Variants in LRRC37A2 observed in about 807,000 individuals in gnomAD.
LRRC37A2 encodes the protein leucine rich repeat containing 37 member A2.
In LRRC37A2, 9 loss-of-function variants were observed where a neutral mutation model predicts 68.8. The observed-to-expected ratio is 0.13, with a 90% CI of 0.08 to 0.23. The LOEUF (loss-of-function observed/expected upper bound fraction) is 0.23, where lower values mean the gene tolerates loss of function less well. Ranked by LOEUF, LRRC37A2 falls within the 10% of genes least tolerant of loss-of-function variation. The pLI is 1.00. For missense variants in LRRC37A2, 168 were observed against 950.4 expected (o/e 0.18, Z 10.82); for synonymous variants, 63 against 367.6 (o/e 0.17, Z 9.48).
the LRRC37A2 span, chr17:46,885,021 T>C: frequency 2.3e-6 from 1 of 439,582 alleles, no homozygotes; most frequent in South Asian, 1.6e-5. Flanking sequence ...GAAGTCTTGT[T>C]CTTGTTGCGC....
the LRRC37A2 span, among the ~76,000 whole-genome samples, chr17:46,827,200 C>T: frequency 6.6e-6 from 1 of 152,134 alleles, no homozygotes; most frequent in African/African-American, 2.4e-5. Flanking sequence ...CTTTACTCCT[C>T]CCCTACCTTG....
the LRRC37A2 span, among the ~76,000 whole-genome samples, chr17:46,970,411 G>A: frequency 6.6e-6 from 1 of 151,946 alleles, no homozygotes; most frequent in Non-Finnish European, 1.5e-5. Context: ...AGTGGTGGTG[G>A]ACACCTGTTA....
the LRRC37A2 span, chr17:46,774,009 G>A: frequency 6.7e-7 from 1 of 1,502,364 alleles, no homozygotes; most frequent in Non-Finnish European, 9.0e-7. Context: ...AGGTGGAGAG[G>A]CAGAGGGCCT....
the LRRC37A2 span, among the ~76,000 whole-genome samples, chr17:46,729,761 A>G: frequency 1.1e-4 from 17 of 152,248 alleles, no homozygotes; most frequent in African/African-American, 4.1e-4. Flanking sequence ...GAAAATATTT[A>G]CTCTTAAACT....
the LRRC37A2 span, among the ~76,000 whole-genome samples, chr17:46,793,384 T>C: frequency 6.6e-6 from 1 of 150,506 alleles, no homozygotes; most frequent in Non-Finnish European, 1.5e-5. Flanking sequence ...AGTGCTCAGG[T>C]CCTGCTCTGC....
the LRRC37A2 span, among the ~76,000 whole-genome samples, chr17:46,890,870 A>G: frequency 6.6e-6 from 1 of 152,156 alleles, no homozygotes; most frequent in Non-Finnish European, 1.5e-5. Flanking sequence ...ACCCGTTTTA[A>G]TGCTCTTGTT....
chr17:46,525,602 T>TATAATAATAATAATA (rs61094611), intron 6 of LRRC37A2, among the ~76,000 whole-genome samples: 2 of 103,284 alleles, frequency 1.9e-5, no homozygotes, highest in African/African-American at 7.0e-5. Context: ...ATAATAATAA[T>TATAATAATAATAATA]ATAATAATAA....
the LRRC37A2 span, among the ~76,000 whole-genome samples, chr17:46,575,284 C>T: frequency 2.2e-5 from 3 of 137,458 alleles, no homozygotes; most frequent in East Asian, 2.0e-4. Context: ...CTTAACAAGC[C>T]GGTAAAACAC....
chr17:46,439,648 GA>G, the LRRC37A2 span, among the ~76,000 whole-genome samples: 1 of 70,834 alleles, frequency 1.4e-5, no homozygotes, highest in Non-Finnish European at 3.1e-5. Context: ...TAGAATTGCT[GA>G]ATCAAAAAGG....
chr17:46,947,347 C>T, the LRRC37A2 span, among the ~76,000 whole-genome samples: 4 of 152,156 alleles, frequency 2.6e-5, no homozygotes, highest in African/African-American at 9.7e-5. Flanking sequence ...CCTGAACTAC[C>T]CCTGCTCCCT....
At chr17:46,605,995 C>CAAAAAA in the LRRC37A2 span, among the ~76,000 whole-genome samples, 144 of 51,044 alleles carry the variant, frequency 2.8e-3, no homozygotes, top group Middle Eastern at 0.038. Flanking sequence ...ACTAAAAATA[C>CAAAAAA]AAAAAAAAAA....
At chr17:46,785,171 C>T in the LRRC37A2 span, among the ~76,000 whole-genome samples, 3 of 152,206 alleles carry the variant, frequency 2.0e-5, no homozygotes, top group Non-Finnish European at 4.4e-5. Flanking sequence ...TGGGACCTCC[C>T]AGCCCTAACC....
the LRRC37A2 span, among the ~76,000 whole-genome samples, chr17:46,782,307 TGAG>T: frequency 5.9e-5 from 9 of 152,030 alleles, no homozygotes; most frequent in Admixed American, 4.6e-4. Context: ...GGAGGGAAGG[TGAG>T]GAGAAGGAGT....
chr17:46,978,538 T>A, the LRRC37A2 span: 1 of 1,406,980 alleles, frequency 7.1e-7, no homozygotes, highest in Non-Finnish European at 9.4e-7. Context: ...CCCAGGCACG[T>A]AGCTGCCCGC....
the LRRC37A2 span, among the ~76,000 whole-genome samples, chr17:46,963,381 C>T: frequency 6.6e-6 from 1 of 152,034 alleles, no homozygotes; most frequent in Admixed American, 6.5e-5. Context: ...CCCATCTCTA[C>T]TAAAAATAAA....
At chr17:46,849,990 GGCATGCA>G in the LRRC37A2 span, among the ~76,000 whole-genome samples, 25 of 152,056 alleles carry the variant, frequency 1.6e-4, no homozygotes, top group African/African-American at 5.1e-4. Context: ...TGGGATTACA[GGCATGCA>G]CTGCCACACC....
chr17:47,033,484 T>G, the LRRC37A2 span: 7 of 661,592 alleles, frequency 1.1e-5, no homozygotes, highest in African/African-American at 1.3e-4. Flanking sequence ...TTTGACTACC[T>G]TCTTCCATGG....
chr17:46,740,964 T>G, the LRRC37A2 span, among the ~76,000 whole-genome samples: 1 of 152,348 alleles, frequency 6.6e-6, no homozygotes, highest in Non-Finnish European at 1.5e-5. Flanking sequence ...CAGAGGTCAT[T>G]ATTTCTAGGT....
chr17:46,558,057 TG>T (rs2057378106), downstream of LRRC37A2, among the ~76,000 whole-genome samples: 1 of 138,874 alleles, frequency 7.2e-6, no homozygotes, highest in African/African-American at 2.7e-5. Context: ...TCAGGAGTTT[TG>T]TTTGTTTTTT....
Sources: allele counts gnomAD v4.1 joint callset (sites outside exome capture counted in the v4.1 genomes callset), GRCh38; gene constraint gnomAD v4.1.1; transcripts MANE v1.5; gene names NCBI Gene and HGNC (gene_info 2026-07-23, HGNC 2026-07-21).